SPOCK3: variants seen among roughly 807,000 people sequenced by gnomAD.
SPOCK3 encodes the protein SPARC (osteonectin), cwcv and kazal like domains proteoglycan 3, also known as testican-3.
In SPOCK3, 30 loss-of-function variants were observed where a neutral mutation model predicts 56.6. That is an observed-to-expected ratio of 0.53 (90% CI 0.40 to 0.72). The LOEUF is 0.72. Among genes scored for constraint, SPOCK3 ranks in the 30% least tolerant of loss-of-function variants. The pLI, the probability that SPOCK3 is intolerant of heterozygous loss-of-function variation, is 0.00. For missense variants in SPOCK3, 527 were observed against 530.0 expected, an observed-to-expected ratio of 0.99 and a Z score of 0.06; for synonymous variants, 196 against 183.3, an observed-to-expected ratio of 1.07 and a Z score of -0.56.
intron 2 of SPOCK3, among the ~76,000 whole-genome samples, chr4:167,135,897 G>A (rs905555247): frequency 6.6e-6 from 1 of 151,982 alleles, no homozygotes; most frequent in African/African-American, 2.4e-5. Context: ...AGCTAAAAAG[G>A]CAACCATATC....
chr4:167,042,482 C>CTAATGATG (rs751913583), intron 3 of SPOCK3, among the ~76,000 whole-genome samples: 22 of 152,212 alleles, frequency 1.4e-4, no homozygotes, highest in Non-Finnish European at 2.5e-4. Context: ...AGGCATGGAG[C>CTAATGATG]TAATGATGTA....
intron 3 of SPOCK3, among the ~76,000 whole-genome samples, chr4:167,055,383 T>C (rs972479932): frequency 9.9e-5 from 15 of 152,032 alleles, no homozygotes; most frequent in Non-Finnish European, 2.1e-4. Flanking sequence ...ACGCAGAAGA[T>C]GGGTGATTTC....
intron 2 of SPOCK3, among the ~76,000 whole-genome samples, chr4:167,088,226 C>T (rs1376994432): frequency 1.3e-5 from 2 of 152,070 alleles, no homozygotes; most frequent in African/African-American, 4.8e-5. Flanking sequence ...AACTTCTGGG[C>T]TCAACCTTCA....
intron 3 of SPOCK3, among the ~76,000 whole-genome samples, chr4:167,010,634 C>T (rs1191138004): frequency 7.3e-5 from 11 of 150,872 alleles, no homozygotes; most frequent in Non-Finnish European, 1.6e-4. Context: ...ATATATAGCA[C>T]AATTTGTACA....
rs80275077 is a variant in SPOCK3 at position 166,779,373 on chromosome 4, A to G, written c.709+12797T>C. On this transcript the variant is annotated intron_variant, in intron 7 of 10. Coordinates refer to ENST00000357545, the MANE Select transcript of SPOCK3 (RefSeq NM_001040159.2). ...CGGATATCATTTTAAAGCAACTAAG[A>G]TTGTTAAATTCAATAAGGTAAAAGA... 2.9e-3 allele frequency among the ~76,000 whole-genome samples: 443 copies of G among 152,298 alleles called. 13 individuals are homozygous for G. In the East Asian group the frequency reaches 0.072, roughly 25 times the overall value.
intron 2 of SPOCK3, among the ~76,000 whole-genome samples, chr4:167,064,916 T>C (rs1006893741): frequency 2.0e-5 from 3 of 151,326 alleles, no homozygotes; most frequent in Non-Finnish European, 4.4e-5. Context: ...TGTCTGTCAG[T>C]GTCTTTGGGC....
At chr4:167,036,518 G>T (rs1481160829) in intron 3 of SPOCK3, among the ~76,000 whole-genome samples, 5 of 152,066 alleles carry the variant, frequency 3.3e-5, no homozygotes, top group Non-Finnish European at 7.4e-5. Context: ...TAGTTATTTA[G>T]GATCATTTTA....
intron 2 of SPOCK3, among the ~76,000 whole-genome samples, chr4:167,217,784 T>C (rs528420670): frequency 6.6e-6 from 1 of 152,206 alleles, no homozygotes; most frequent in South Asian, 2.1e-4. Context: ...TAAAACTCAA[T>C]CTGAAATACA....
chr4:167,037,863 AT>A (rs1752902414), intron 3 of SPOCK3, among the ~76,000 whole-genome samples: 2 of 152,366 alleles, frequency 1.3e-5, no homozygotes, highest in African/African-American at 4.8e-5. Flanking sequence ...GATAAAGTAC[AT>A]GTCTAGCTTT....
intron 5 of SPOCK3, among the ~76,000 whole-genome samples, chr4:166,905,617 T>C (rs768663038): frequency 6.6e-6 from 1 of 151,886 alleles, no homozygotes; most frequent in African/African-American, 2.4e-5. Flanking sequence ...AGGAGATACA[T>C]TGAACATTGT....
chr4:166,872,917 G>C (rs1397300026), intron 6 of SPOCK3, among the ~76,000 whole-genome samples: 1 of 152,106 alleles, frequency 6.6e-6, no homozygotes, highest in Non-Finnish European at 1.5e-5. Flanking sequence ...CATGTGTAAA[G>C]CGATCACCTG....
chr4:167,082,052 A>G (rs1757754522), intron 2 of SPOCK3, among the ~76,000 whole-genome samples: 1 of 152,096 alleles, frequency 6.6e-6, no homozygotes, highest in African/African-American at 2.4e-5. Context: ...CTCTGTTCTG[A>G]CAAACCCAAA....
chr4:166,864,791 T>C (rs1170713267), intron 6 of SPOCK3, among the ~76,000 whole-genome samples: 1 of 151,954 alleles, frequency 6.6e-6, no homozygotes, highest in Non-Finnish European at 1.5e-5. Flanking sequence ...CAGTAATTAA[T>C]AGCCTACCAA....
chr4:167,067,906 T>G (rs538680490), intron 2 of SPOCK3, among the ~76,000 whole-genome samples: 2 of 151,924 alleles, frequency 1.3e-5, no homozygotes, highest in South Asian at 4.1e-4. Flanking sequence ...GAATTACATT[T>G]TATTATGTTA....
At chr4:166,842,720 G>A (rs1302382300) in intron 6 of SPOCK3, among the ~76,000 whole-genome samples, 1 of 152,220 alleles carries the variant, frequency 6.6e-6, no homozygotes, top group Non-Finnish European at 1.5e-5. Flanking sequence ...CAATCCTGTG[G>A]CTAGACATAA....
chr4:167,061,993 T>C (rs1441895219), intron 3 of SPOCK3, among the ~76,000 whole-genome samples: 2 of 151,816 alleles, frequency 1.3e-5, no homozygotes, highest in African/African-American at 4.8e-5. Flanking sequence ...AATTGCAAAC[T>C]GTTTGAAAGG....
chr4:166,948,043 T>A (rs80282330), intron 4 of SPOCK3, among the ~76,000 whole-genome samples: 1,763 of 152,224 alleles, frequency 0.012, 36 homozygotes, highest in African/African-American at 0.04. Flanking sequence ...TCCCCAGCCT[T>A]TAGTAACCTA....
intron 4 of SPOCK3, among the ~76,000 whole-genome samples, chr4:166,999,256 A>C (rs2703846): frequency 1 from 152,061 of 152,260 alleles, 75,931 homozygotes; most frequent in Non-Finnish European, 1. Flanking sequence ...GTTATATCCA[A>C]CTCCCTTGGT....
At chr4:167,209,424 G>T (rs1734653349) in intron 2 of SPOCK3, among the ~76,000 whole-genome samples, 1 of 152,028 alleles carries the variant, frequency 6.6e-6, no homozygotes, top group South Asian at 2.1e-4. Context: ...ATATTTCAAA[G>T]ATATTTCACA....
Sources: gnomAD v4.1 joint callset for allele counts (sites outside exome capture counted in the v4.1 genomes callset) on GRCh38, gnomAD v4.1.1 for gene constraint, MANE v1.5 for transcripts, NCBI Gene and HGNC (gene_info 2026-07-23, HGNC 2026-07-21) for gene names.